Variants in THSD7B observed in about 807,000 individuals in gnomAD.
THSD7B encodes the protein thrombospondin type-1 domain-containing protein 7B.
Under a neutral mutation model 213.6 loss-of-function variants are expected in THSD7B, and 138 were observed. The observed-to-expected ratio is 0.65, with a 90% CI of 0.56 to 0.74. THSD7B has a LOEUF of 0.74. Ranked by LOEUF, THSD7B falls within the 30% of genes least tolerant of loss-of-function variation. THSD7B has a pLI of 0.00. For synonymous variants in THSD7B, 742 were observed against 687.0 expected (o/e 1.08, Z -1.25); for missense variants, 1,931 against 1,991.5 (o/e 0.97, Z 0.58).
In THSD7B at chr2:137,563,380, A is replaced by C. The variant is rs750477570; in HGVS notation, c.3272+26A>C. ...GTGTGTGAAAATGGAGAGATTTGGG[A>C]AATAGGGGGAAGTGGAACTTATACA... On this transcript the variant is annotated intron_variant, in intron 16 of 27. Coordinates refer to ENST00000409968, the MANE Select transcript of THSD7B (RefSeq NM_001316349.2). 12 of 1,610,500 alleles carry C rather than the reference A, an allele frequency of 7.5e-6. No homozygotes were observed. In the East Asian group the frequency reaches 2.5e-4, roughly 33 times the overall value.
chr2:137,402,772 C>T (rs1222241241), intron 12 of THSD7B, among the ~76,000 whole-genome samples: 1 of 132,774 alleles, frequency 7.5e-6, no homozygotes, highest in Non-Finnish European at 1.5e-5. Flanking sequence ...GCTGAGATCA[C>T]ATCACTGCAC....
intron 2 of THSD7B, among the ~76,000 whole-genome samples, chr2:136,959,375 A>T (rs976307889): frequency 2.6e-5 from 4 of 152,176 alleles, no homozygotes; most frequent in Admixed American, 2.6e-4. Flanking sequence ...AGCATATGTC[A>T]AAGTCAGTTA....
In THSD7B at chr2:137,483,214, C is replaced by T. The variant is rs941734801; in HGVS notation, c.3138+32191C>T. On this transcript the variant is annotated intron_variant, in intron 15 of 27. Transcript: ENST00000409968. ...TCAAACTAATGACCAGAATGTTCTA[C>T]GTGCATTATCTGTTTTAATTCTTGT... Among the ~76,000 whole-genome samples the T allele has an allele frequency of 7.9e-5, 12 of 152,266 alleles. No individual in the cohort carries two copies. The East Asian group carries it at 1.7e-3, about 22-fold the overall frequency.
At chr2:137,264,822 T>C (rs997171108) in intron 10 of THSD7B, among the ~76,000 whole-genome samples, 3 of 151,592 alleles carry the variant, frequency 2.0e-5, no homozygotes, top group Non-Finnish European at 4.4e-5. Flanking sequence ...AAATTTTTTT[T>C]ATTTTTTATT....
intron 7 of THSD7B, among the ~76,000 whole-genome samples, chr2:137,223,218 G>A (rs1681411763): frequency 6.6e-6 from 1 of 152,170 alleles, no homozygotes; most frequent in Non-Finnish European, 1.5e-5. Context: ...TGTGAAGTAT[G>A]TGGACCAGAA....
At chr2:137,398,417 C>G (rs1234755058) in intron 12 of THSD7B, among the ~76,000 whole-genome samples, 2 of 149,526 alleles carry the variant, frequency 1.3e-5, no homozygotes, top group African/African-American at 2.4e-5. Flanking sequence ...GTTGGAATAC[C>G]CTGCTGTGTG....
intron 1 of THSD7B, among the ~76,000 whole-genome samples, chr2:136,765,935 C>T (rs1681381379): frequency 6.6e-6 from 1 of 152,224 alleles, no homozygotes; most frequent in African/African-American, 2.4e-5. Flanking sequence ...GTGCGGAGAC[C>T]CTCTAGGCGG....
At chr2:136,788,212 G>A (rs571849573) in intron 1 of THSD7B, among the ~76,000 whole-genome samples, 3 of 152,286 alleles carry the variant, frequency 2.0e-5, no homozygotes, top group South Asian at 4.1e-4. Flanking sequence ...TAAAGTGCCC[G>A]CTGGGAGAGA....
chr2:136,787,893 A>G (rs905989124), intron 1 of THSD7B, among the ~76,000 whole-genome samples: 22 of 152,070 alleles, frequency 1.4e-4, no homozygotes, highest in African/African-American at 5.3e-4. Flanking sequence ...TCCCAGATAG[A>G]GGCTGCTTTT....
intron 2 of THSD7B, among the ~76,000 whole-genome samples, chr2:136,976,507 C>A (rs1010879230): frequency 6.6e-6 from 1 of 152,104 alleles, no homozygotes; most frequent in Non-Finnish European, 1.5e-5. Flanking sequence ...GCCTTGCATC[C>A]TGGGTATGAA....
intron 7 of THSD7B, among the ~76,000 whole-genome samples, chr2:137,208,064 C>T (rs566814392): frequency 2.3e-4 from 35 of 152,120 alleles, no homozygotes; most frequent in African/African-American, 7.2e-4. Context: ...ATTCTGTAAC[C>T]GGCTACAGTG....
chr2:136,926,204 A>T lies in THSD7B; in HGVS notation c.139+43887A>T, dbSNP rs564990019. Among the ~76,000 whole-genome samples the T allele has an allele frequency of 8.6e-5, 13 of 152,004 alleles. No individual in the cohort carries two copies. The South Asian group carries it at 2.7e-3, about 32-fold the overall frequency. The stretch of plus-strand genomic sequence containing the variant: ...CTGGGGCAGATGGATTCCTCCTATG[A>T]TTGTGGTCTCATCTTTTCCCCTGGA... On this transcript the variant is annotated intron_variant, in intron 2 of 27. Transcript: ENST00000409968.
chr2:137,080,186 GTA>G (rs1333165171), intron 3 of THSD7B, among the ~76,000 whole-genome samples: 3 of 150,068 alleles, frequency 2.0e-5, no homozygotes, highest in Non-Finnish European at 4.4e-5. Context: ...GTGTGTGTGT[GTA>G]TATATATATA....
At chr2:136,834,364 A>T (rs1213901247) in intron 1 of THSD7B, among the ~76,000 whole-genome samples, 4 of 152,206 alleles carry the variant, frequency 2.6e-5, no homozygotes, top group African/African-American at 9.7e-5. Context: ...TTGAATGCTG[A>T]CAGACGTTGC....
At chr2:137,081,979 G>T (rs992981325) in intron 3 of THSD7B, among the ~76,000 whole-genome samples, 1 of 151,908 alleles carries the variant, frequency 6.6e-6, no homozygotes, top group Non-Finnish European at 1.5e-5. Context: ...CCTCTTTACT[G>T]CATTATCTCT....
chr2:136,772,682 G>T (rs907513537), intron 1 of THSD7B, among the ~76,000 whole-genome samples: 31 of 152,198 alleles, frequency 2.0e-4, no homozygotes, highest in African/African-American at 7.2e-4. Flanking sequence ...TTGTGATTTG[G>T]TGAGGTGAGT....
intron 15 of THSD7B, 40 bp downstream of exon 15, chr2:137,451,063 T>G: frequency 6.8e-7 from 1 of 1,463,626 alleles, no homozygotes; most frequent in Non-Finnish European, 9.0e-7. Context: ...CTAAAAAAGC[T>G]ATCCTCATTA....
At chr2:137,201,432 T>G (rs10153582) in intron 7 of THSD7B, among the ~76,000 whole-genome samples, 91,164 of 151,998 alleles carry the variant, frequency 0.6, 27,735 homozygotes, top group South Asian at 0.72. Flanking sequence ...CCTTTTGATA[T>G]GTACCCAGCA....
chr2:137,104,903 G>A (rs1014438404), intron 4 of THSD7B, among the ~76,000 whole-genome samples: 5 of 152,142 alleles, frequency 3.3e-5, no homozygotes, highest in Admixed American at 6.6e-5. Flanking sequence ...TTCTGAAATT[G>A]AGGCAATAAT....
Sources: allele counts gnomAD v4.1 joint callset (sites outside exome capture counted in the v4.1 genomes callset), GRCh38; gene constraint gnomAD v4.1.1; transcripts MANE v1.5; gene names NCBI Gene and HGNC (gene_info 2026-07-23, HGNC 2026-07-21).